Variants in EYS observed in about 807,000 individuals in gnomAD.
EYS encodes EGF-like photoreceptor maintenance factor.
EYS carries 250 observed loss-of-function variants against 282.1 expected under a neutral mutation model. The observed-to-expected ratio is 0.89, with a 90% CI of 0.80 to 0.98. The LOEUF (loss-of-function observed/expected upper bound fraction) is 0.98, where lower values mean the gene tolerates loss of function less well. EYS is among the 50% of genes least tolerant of loss of function. EYS has a pLI of 0.00. For missense variants in EYS, 4,016 were observed against 3,709.0 expected, an observed-to-expected ratio of 1.08 and a Z score of -2.15; for synonymous variants, 1,355 against 1,282.9, an observed-to-expected ratio of 1.06 and a Z score of -1.20.
At chr6:64,469,446 A>C (rs1176159750) in intron 26 of EYS, among the ~76,000 whole-genome samples, 1 of 152,172 alleles carries the variant, frequency 6.6e-6, no homozygotes, top group African/African-American at 2.4e-5. Context: ...TTCCAATGTT[A>C]TAATAATCCT....
chr6:63,998,327 AT>A (rs1323163288), intron 34 of EYS, among the ~76,000 whole-genome samples: 1 of 152,196 alleles, frequency 6.6e-6, no homozygotes, highest in Non-Finnish European at 1.5e-5. Context: ...GTTAGATGTT[AT>A]TATGTGCTTC....
chr6:64,470,538 T>A (rs1302956482), intron 26 of EYS, among the ~76,000 whole-genome samples: 1 of 151,834 alleles, frequency 6.6e-6, no homozygotes, highest in East Asian at 1.9e-4. Context: ...TGGTTTACAC[T>A]GGAAGAAGAA....
At chr6:64,341,357 A>T (rs1466568108) in intron 29 of EYS, among the ~76,000 whole-genome samples, 1 of 151,786 alleles carries the variant, frequency 6.6e-6, no homozygotes, top group African/African-American at 2.4e-5. Context: ...GGAATATTAC[A>T]TGGCCATAAA....
intron 30 of EYS, among the ~76,000 whole-genome samples, chr6:64,286,950 A>C (rs1768525539): frequency 6.6e-6 from 1 of 152,164 alleles, no homozygotes; most frequent in Admixed American, 6.6e-5. Flanking sequence ...TATCTGGTAC[A>C]ATAATCTTAA....
chr6:63,874,207 A>G (rs1772898464), intron 35 of EYS, among the ~76,000 whole-genome samples: 1 of 152,168 alleles, frequency 6.6e-6, no homozygotes, highest in African/African-American at 2.4e-5. Context: ...TCAGCTTTCT[A>G]CATATGGCTA....
rs188525746 is a variant in EYS, at chr6:63,890,220, C to T, written c.7056-25862G>A. Among the ~76,000 whole-genome samples, 23 of 152,276 alleles carry T rather than the reference C, an allele frequency of 1.5e-4. No individual in the cohort carries two copies. The East Asian group carries it at 4.0e-3, about 27-fold the overall frequency. On this transcript the variant is annotated intron_variant, in intron 35 of 42. Transcript: ENST00000503581. Reference sequence around the variant, plus strand: ...AGAAAATTAACAAGGATATTCAGAACGTGAACTCAGCTCTGGAACAAGCGG... The same window carrying T: ...AGAAAATTAACAAGGATATTCAGAATGTGAACTCAGCTCTGGAACAAGCGG...
chr6:64,685,194 A>G (rs1235261389), intron 22 of EYS, among the ~76,000 whole-genome samples: 1 of 152,170 alleles, frequency 6.6e-6, no homozygotes, highest in Non-Finnish European at 1.5e-5. Flanking sequence ...GGATTTCATA[A>G]TGGCAAAAGG....
intron 18 of EYS, among the ~76,000 whole-genome samples, chr6:64,896,549 T>TGTTG (rs1562247877): frequency 2.7e-5 from 4 of 150,254 alleles, no homozygotes; most frequent in Admixed American, 6.7e-5. Context: ...GTTGTTGTTT[T>TGTTG]TTTTTTTTTT....
chr6:64,361,612 C>G (rs1003077548), intron 29 of EYS, among the ~76,000 whole-genome samples: 1 of 151,698 alleles, frequency 6.6e-6, no homozygotes, highest in Non-Finnish European at 1.5e-5. Flanking sequence ...CAAATTTTCA[C>G]AAACCTAACA....
intron 30 of EYS, among the ~76,000 whole-genome samples, chr6:64,280,359 A>G (rs1768262837): frequency 6.6e-6 from 1 of 152,134 alleles, no homozygotes; most frequent in Admixed American, 6.6e-5. Context: ...AGAAAAGAGT[A>G]TGTTAGTAGA....
chr6:64,039,132 T>C (rs934802171), intron 33 of EYS, among the ~76,000 whole-genome samples: 1 of 152,230 alleles, frequency 6.6e-6, no homozygotes, highest in African/African-American at 2.4e-5. Context: ...GACTGGCCTA[T>C]TCTACCTAAT....
At chr6:63,752,016 G>A (rs1450073031) in intron 41 of EYS, among the ~76,000 whole-genome samples, 1 of 152,174 alleles carries the variant, frequency 6.6e-6, no homozygotes, top group Non-Finnish European at 1.5e-5. Context: ...AAATCTTCTA[G>A]GATGTGGTGT....
intron 31 of EYS, among the ~76,000 whole-genome samples, chr6:64,221,881 T>C (rs1213300936): frequency 6.6e-6 from 1 of 152,008 alleles, no homozygotes; most frequent in Non-Finnish European, 1.5e-5. Context: ...TGGTATTATT[T>C]GAGGTTTCAG....
chr6:65,243,577 T>C (rs1767106756), intron 12 of EYS, among the ~76,000 whole-genome samples: 1 of 152,206 alleles, frequency 6.6e-6, no homozygotes, highest in Non-Finnish European at 1.5e-5. Flanking sequence ...CTTTTTTGTA[T>C]GCCATTTAAG....
chr6:64,207,957 T>C lies in EYS; in HGVS notation c.6424+22635A>G, dbSNP rs189495914. On this transcript the variant is annotated intron_variant, in intron 31 of 42. Coordinates refer to ENST00000503581, the MANE Select transcript of EYS (RefSeq NM_001142800.2). ...CACAGGCTTGAGCCACCGTGCCCAG[T>C]CAGGTTTATGCCAACTTTCAGATAT... Among the ~76,000 whole-genome samples, 924 of 152,204 alleles carry C rather than the reference T, an allele frequency of 6.1e-3. 2 individuals are homozygous for C. The highest frequency in any genetic ancestry group is 0.021 in the African/African-American group (878 of 41,544).
chr6:64,215,250 T>C (rs1765894695), intron 31 of EYS, among the ~76,000 whole-genome samples: 1 of 152,090 alleles, frequency 6.6e-6, no homozygotes, highest in South Asian at 2.1e-4. Flanking sequence ...TTTATCTAGC[T>C]GTTGAGTTGT....
intron 22 of EYS, among the ~76,000 whole-genome samples, chr6:64,784,313 G>A (rs1416128524): frequency 1.3e-5 from 2 of 151,802 alleles, no homozygotes; most frequent in African/African-American, 2.4e-5. Flanking sequence ...TGTAGCAGTT[G>A]TATATACTTT....
At chr6:65,673,251 G>GT (rs1383159502) in intron 1 of EYS, among the ~76,000 whole-genome samples, 13 of 152,188 alleles carry the variant, frequency 8.5e-5, no homozygotes, top group Admixed American at 3.9e-4. Context: ...AATGGGCGAT[G>GT]TTTCTCAGGG....
In EYS at chr6:64,103,303, A is replaced by G. The variant is rs1582273073; in HGVS notation, c.6425-21301T>C. 2.6e-5 allele frequency among the ~76,000 whole-genome samples: 4 copies of G among 152,338 alleles called. No homozygotes were observed. The South Asian group carries it at 6.2e-4, about 24-fold the overall frequency. On this transcript the variant is annotated intron_variant, in intron 31 of 42. Transcript: ENST00000503581. ...AAATGCCAGAAGACATTATGAGATA[A>G]GGAAACACTTATTCATTATAAAAAT...
Sources: gnomAD v4.1 joint callset for allele counts (sites outside exome capture counted in the v4.1 genomes callset) on GRCh38, gnomAD v4.1.1 for gene constraint, MANE v1.5 for transcripts, NCBI Gene and HGNC (gene_info 2026-07-23, HGNC 2026-07-21) for gene names.